Variants in KIRREL3 observed in about 807,000 individuals in gnomAD.
The protein encoded by KIRREL3 is kirre like nephrin family adhesion molecule 3, also known as kin of IRRE-like protein 3.
A neutral mutation model predicts 89.7 loss-of-function variants in KIRREL3; 36 were observed. The observed-to-expected ratio is 0.40, with a 90% CI of 0.31 to 0.53. KIRREL3 has a LOEUF of 0.53. KIRREL3 is among the 20% of genes least tolerant of loss of function. The pLI, the probability that KIRREL3 is intolerant of heterozygous loss-of-function variation, is 0.49. For missense variants in KIRREL3, 864 were observed against 1,056.6 expected (o/e 0.82, Z 2.53); for synonymous variants, 445 against 441.4 (o/e 1.01, Z -0.10).
chr11:126,657,196 T>G (rs1591893924), intron 1 of KIRREL3, among the ~76,000 whole-genome samples: 1 of 152,188 alleles, frequency 6.6e-6, no homozygotes, highest in Middle Eastern at 3.4e-3. Context: ...TATTTTATAA[T>G]AGATCATGCA....
intron 1 of KIRREL3, among the ~76,000 whole-genome samples, chr11:126,711,399 A>C (rs567494062): frequency 6.6e-6 from 1 of 152,232 alleles, no homozygotes; most frequent in East Asian, 1.9e-4. Flanking sequence ...CACCTCTACT[A>C]AAAATACAGA....
intron 1 of KIRREL3, among the ~76,000 whole-genome samples, chr11:126,915,060 G>T (rs1179536076): frequency 6.6e-6 from 1 of 152,142 alleles, no homozygotes; most frequent in Non-Finnish European, 1.5e-5. Flanking sequence ...TGGGAGAAGA[G>T]ACTGTTATGA....
chr11:126,457,463 GTA>G (rs1411969736), intron 6 of KIRREL3, among the ~76,000 whole-genome samples: 1 of 151,698 alleles, frequency 6.6e-6, no homozygotes, highest in Non-Finnish European at 1.5e-5. Flanking sequence ...GTATACATGT[GTA>G]TATGTGTGTA....
At chr11:126,966,899 A>T (rs1949288695) in intron 1 of KIRREL3, among the ~76,000 whole-genome samples, 1 of 152,222 alleles carries the variant, frequency 6.6e-6, no homozygotes, top group African/African-American at 2.4e-5. Context: ...TTATTTATTA[A>T]TGCAGTCCAC....
chr11:126,507,313 G>C (rs1156993153), intron 4 of KIRREL3, among the ~76,000 whole-genome samples: 1 of 152,092 alleles, frequency 6.6e-6, no homozygotes, highest in African/African-American at 2.4e-5. Context: ...TAATTGAGTT[G>C]TACACTTAAA....
chr11:126,901,684 C>T (rs1320586670), intron 1 of KIRREL3, among the ~76,000 whole-genome samples: 1 of 152,204 alleles, frequency 6.6e-6, no homozygotes, highest in African/African-American at 2.4e-5. Flanking sequence ...TGTCCACATA[C>T]AGATGATGAC....
chr11:126,998,683 A>G (rs745628422), intron 1 of KIRREL3, among the ~76,000 whole-genome samples: 3 of 152,248 alleles, frequency 2.0e-5, no homozygotes, highest in Non-Finnish European at 4.4e-5. Context: ...GTACACTGTA[A>G]TGATTCAGAC....
rs1383610351 is a variant in KIRREL3, at chr11:126,669,537, A to G, written c.56-106625T>C. ...TTTAACTTCTGGTTCGGACTAATAC[A>G]TCTTTTCCAGTGCATGGGTACAGAT... is the stretch of plus-strand genomic sequence containing the variant. On this transcript the variant is annotated intron_variant, in intron 1 of 16. Coordinates refer to ENST00000525144, the MANE Select transcript of KIRREL3 (RefSeq NM_032531.4). The surrounding 1 kb of genome is among the most constrained non-coding windows in gnomAD (Gnocchi z 5.0). 6.6e-6 allele frequency among the ~76,000 whole-genome samples: 1 copy of G among 152,158 alleles called. No homozygotes were observed. Among genetic ancestry groups the G allele is most frequent in the Non-Finnish European group, 1.5e-5 (1 of 68,020 alleles).
intron 4 of KIRREL3, among the ~76,000 whole-genome samples, chr11:126,483,275 G>A (rs370181870): frequency 6.6e-6 from 1 of 152,192 alleles, no homozygotes; most frequent in Non-Finnish European, 1.5e-5. Context: ...TTGAACATAA[G>A]CCTACAAATA....
intron 1 of KIRREL3, among the ~76,000 whole-genome samples, chr11:126,865,549 G>C (rs1009777457): frequency 1.3e-5 from 2 of 152,218 alleles, no homozygotes; most frequent in Non-Finnish European, 2.9e-5. Context: ...AGCTCAGGTG[G>C]GCAAGTCCCT....
chr11:126,800,504 C>T (rs1950997682), intron 1 of KIRREL3, among the ~76,000 whole-genome samples: 2 of 152,244 alleles, frequency 1.3e-5, no homozygotes, highest in South Asian at 4.2e-4. Flanking sequence ...GGATTTCTCC[C>T]TTAATTAAGA....
At chr11:126,765,792 C>A (rs972904690) in intron 1 of KIRREL3, among the ~76,000 whole-genome samples, 1 of 152,148 alleles carries the variant, frequency 6.6e-6, no homozygotes, top group Non-Finnish European at 1.5e-5. Context: ...CTCCTGCAGC[C>A]TAGCTGAAAA....
intron 1 of KIRREL3, among the ~76,000 whole-genome samples, chr11:126,679,838 T>C (rs908206996): frequency 2.6e-5 from 4 of 152,164 alleles, no homozygotes; most frequent in African/African-American, 9.7e-5. Context: ...CCCCAGCCAA[T>C]TGGATGGCCA....
chr11:126,466,552 C>G (rs901032450), intron 5 of KIRREL3, among the ~76,000 whole-genome samples: 1 of 152,222 alleles, frequency 6.6e-6, no homozygotes, highest in African/African-American at 2.4e-5. Context: ...GATCTGCACC[C>G]CCGGGTTTCT....
In KIRREL3 at chr11:126,427,715, G is replaced by A. The variant is rs757456476; in HGVS notation, c.1806+1464C>T. 3.3e-5 allele frequency among the ~76,000 whole-genome samples: 5 copies of A among 152,182 alleles called. No individual in the cohort carries two copies. Among genetic ancestry groups the A allele is most frequent in the East Asian group, 3.8e-4 (2 of 5,200 alleles). ...TGTCCAGCAGATGTGGGGAGCCACCGAGGGATTTTAAGTGGGCAAGTAACA... is the reference window on the plus strand; with the variant it reads ...TGTCCAGCAGATGTGGGGAGCCACCAAGGGATTTTAAGTGGGCAAGTAACA... On this transcript the variant is annotated intron_variant, in intron 15 of 16. Coordinates refer to ENST00000525144, the MANE Select transcript of KIRREL3 (RefSeq NM_032531.4). The surrounding 1 kb of genome is among the most constrained non-coding windows in gnomAD (Gnocchi z 5.3).
At chr11:126,975,857 A>T (rs1474160260) in intron 1 of KIRREL3, among the ~76,000 whole-genome samples, 2 of 149,342 alleles carry the variant, frequency 1.3e-5, no homozygotes, top group Non-Finnish European at 3.0e-5. Flanking sequence ...CACCTTCCTC[A>T]TATTACATAA....
At chr11:126,822,004 T>C (rs907556792) in intron 1 of KIRREL3, among the ~76,000 whole-genome samples, 7 of 152,216 alleles carry the variant, frequency 4.6e-5, no homozygotes, top group African/African-American at 1.7e-4. Flanking sequence ...AGTTAATTAG[T>C]GTTGTTGTGA....
At chr11:126,585,428 T>A (rs914844352) in intron 1 of KIRREL3, among the ~76,000 whole-genome samples, 8 of 151,300 alleles carry the variant, frequency 5.3e-5, no homozygotes, top group Non-Finnish European at 1.2e-4. Context: ...GAGATGGGTT[T>A]TCAACCTGCG....
chr11:126,578,315 C>T lies in KIRREL3; in HGVS notation c.56-15403G>A, dbSNP rs1462317899. Among the ~76,000 whole-genome samples, 1 of 152,198 alleles carries T rather than the reference C, an allele frequency of 6.6e-6. No homozygotes were observed. Among genetic ancestry groups the T allele is most frequent in the Non-Finnish European group, 1.5e-5 (1 of 68,036 alleles). On this transcript the variant is annotated intron_variant, in intron 1 of 16. Transcript: ENST00000525144. The surrounding 1 kb of genome is among the most constrained non-coding windows in gnomAD (Gnocchi z 4.9). The stretch of plus-strand genomic sequence containing the variant: ...AAATGCAAGACTCTGGCTTCATTCC[C>T]TGGTCCTTCCTCAGTATCTCACAAA...
Sources: gnomAD v4.1 joint callset for allele counts (sites outside exome capture counted in the v4.1 genomes callset) on GRCh38, gnomAD v4.1.1 for gene constraint, Gnocchi (gnomAD v3.1) non-coding constraint, MANE v1.5 for transcripts, NCBI Gene and HGNC (gene_info 2026-07-23, HGNC 2026-07-21) for gene names.